Variants in DCHS2 observed in about 807,000 individuals in gnomAD.
DCHS2 encodes the protein dachsous cadherin-related 2.
A neutral mutation model predicts 182.4 loss-of-function variants in DCHS2; 142 were observed. That is an observed-to-expected ratio of 0.78 (90% CI 0.68 to 0.89). The LOEUF is 0.89. Ranked by LOEUF, DCHS2 falls within the 40% of genes least tolerant of loss-of-function variation. The pLI is 0.00. For missense variants in DCHS2, 4,319 were observed against 4,198.6 expected (o/e 1.03, Z -0.79); for synonymous variants, 1,740 against 1,663.3 (o/e 1.05, Z -1.12).
At chr4:154,418,478 C>T (rs1414775578) in intron 1 of DCHS2, among the ~76,000 whole-genome samples, 1 of 152,194 alleles carries the variant, frequency 6.6e-6, no homozygotes, top group Non-Finnish European at 1.5e-5. Flanking sequence ...GATTATCACA[C>T]CACTGCAGCT....
chr4:154,297,446 G>A (rs984397950), intron 13 of DCHS2, among the ~76,000 whole-genome samples: 3 of 152,086 alleles, frequency 2.0e-5, no homozygotes, highest in Non-Finnish European at 4.4e-5. Flanking sequence ...TTTAATAAAG[G>A]AATTTTCAGA....
chr4:154,258,763 C>G (rs982805622), intron 15 of DCHS2, among the ~76,000 whole-genome samples: 1 of 152,108 alleles, frequency 6.6e-6, no homozygotes, highest in African/African-American at 2.4e-5. Context: ...ATGTAAACGC[C>G]TTACCCCACC....
chr4:154,485,207 T>C (rs570460145), intron 1 of DCHS2, among the ~76,000 whole-genome samples: 1 of 152,020 alleles, frequency 6.6e-6, no homozygotes, highest in East Asian at 1.9e-4. Context: ...CCACACTGAG[T>C]GTGGGGTGGC....
At chr4:154,352,760 G>A (rs560441305) in intron 3 of DCHS2, among the ~76,000 whole-genome samples, 4 of 152,260 alleles carry the variant, frequency 2.6e-5, no homozygotes, top group Middle Eastern at 3.4e-3. Flanking sequence ...GAGAAACCTA[G>A]AGAATAAGCA....
At chr4:154,283,702 T>C (rs1303022605) in intron 13 of DCHS2, among the ~76,000 whole-genome samples, 1 of 152,196 alleles carries the variant, frequency 6.6e-6, no homozygotes, top group East Asian at 1.9e-4. Context: ...ATTTTGTGAT[T>C]TACAGAAGAC....
intron 1 of DCHS2, among the ~76,000 whole-genome samples, chr4:154,466,961 A>T (rs1375700434): frequency 1.3e-5 from 2 of 152,156 alleles, no homozygotes; most frequent in Non-Finnish European, 2.9e-5. Flanking sequence ...TCTTTCCCAT[A>T]TTCACAGGTA....
intron 13 of DCHS2, among the ~76,000 whole-genome samples, chr4:154,297,592 A>T (rs1376773299): frequency 6.6e-6 from 1 of 152,212 alleles, no homozygotes; most frequent in Non-Finnish European, 1.5e-5. Flanking sequence ...CCACTTATTC[A>T]TTAGCTTTTC....
At chr4:154,237,295 A>T (rs975299276) in intron 19 of DCHS2, 136 bp from the exon 20 acceptor site, 15 of 1,158,146 alleles carry the variant, frequency 1.3e-5, no homozygotes, top group South Asian at 1.8e-5. Context: ...ATGAACAATG[A>T]CTCCAAATAG....
In DCHS2 at chr4:154,259,739, C is replaced by A. The variant is rs575018629; in HGVS notation, c.6595G>T (p.Glu2199Ter). Reference sequence around the variant, plus strand: ...ACTTCAAAATCAAGAAACTTGGGTTCTTTCACAGTGAGTTGTCCTATTTTT... The same window carrying A: ...ACTTCAAAATCAAGAAACTTGGGTTATTTCACAGTGAGTTGTCCTATTTTT... ...CSKSGQLTVK[E>*]PKFLDFEVRN... is the part of the protein sequence containing the mutation. Residue 2199 changes from glutamate (E) to a stop codon, truncating the protein, a stop_gained, in exon 15 of 20, where the codon GAA (glutamate) becomes TAA (stop). Coordinates refer to ENST00000357232, the MANE Select transcript of DCHS2 (RefSeq NM_001358235.2). LOFTEE classifies it high-confidence loss of function. 37 of 1,613,678 alleles carry A rather than the reference C, an allele frequency of 2.3e-5. 1 individual carries two copies. In the South Asian group the frequency reaches 4.0e-4, roughly 17 times the overall value.
rs567129224 is a variant in DCHS2 at position 154,333,083 on chromosome 4, C to G, written c.3125G>C (p.Gly1042Ala). The G allele has an allele frequency of 1.2e-5, 19 of 1,614,060 alleles. No individual in the cohort carries two copies. The African/African-American group carries it at 2.0e-4, about 17-fold the overall frequency. ...CGTGAGCTCCCGCTGCTCGCCCGCG[C>G]CCAGGCTGCCGTTGAGGAACAGCAC... is the stretch of plus-strand genomic sequence containing the variant. Reference protein sequence around the residue: ...LGVLFLNGSLGAGEQRELTLT... With the variant: ...LGVLFLNGSLAAGEQRELTLT... The change falls in exon 5 of 20, where the codon GGC becomes GCC. Residue 1042 changes from glycine to alanine, a missense_variant. Physicochemically the swap from Gly to Ala is moderately conservative, Grantham distance 60. Transcript: ENST00000357232.
Position 154,328,153 on chromosome 4 carries a change from C to T in DCHS2, c.3958G>A (p.Val1320Met). The T allele has an allele frequency of 6.2e-7, 1 of 1,609,294 alleles. No individual in the cohort carries two copies. The highest frequency in any genetic ancestry group is 1.1e-5 in the South Asian group (1 of 89,804). ...GQPVNMLVTT[V>M]FAKDPDEGNN... is the part of the protein sequence containing the mutation. ...CCTTCATCAGGATCCTTTGCAAACA[C>T]AGTTGTAACCAACATATTTACTGGT... is the stretch of plus-strand genomic sequence containing the variant. Residue 1320 changes from valine (V) to methionine (M), a missense_variant, in exon 7 of 20, where the codon GTG becomes ATG. Val to Met is a conservative substitution (Grantham distance 21). Coordinates refer to ENST00000357232, the MANE Select transcript of DCHS2 (RefSeq NM_001358235.2).
At chr4:154,461,131 C>T (rs919699386) in intron 1 of DCHS2, among the ~76,000 whole-genome samples, 1 of 152,186 alleles carries the variant, frequency 6.6e-6, no homozygotes, top group African/African-American at 2.4e-5. Context: ...TCAGGCACAG[C>T]CCTTTCCAAT....
chr4:154,442,233 AC>A (rs1416794130), intron 1 of DCHS2, among the ~76,000 whole-genome samples: 1 of 152,092 alleles, frequency 6.6e-6, no homozygotes, highest in African/African-American at 2.4e-5. Context: ...CAAGGAGGCT[AC>A]AATCTTCTGA....
At chr4:154,434,153 G>T (rs1346557057) in intron 1 of DCHS2, among the ~76,000 whole-genome samples, 2 of 152,210 alleles carry the variant, frequency 1.3e-5, no homozygotes, top group Non-Finnish European at 2.9e-5. Flanking sequence ...CAAATAATGG[G>T]CTGGGCATGA....
intron 3 of DCHS2, among the ~76,000 whole-genome samples, chr4:154,345,081 G>A (rs6842423): frequency 0.026 from 3,937 of 152,284 alleles, 165 homozygotes; most frequent in African/African-American, 0.089. Context: ...TGCCACTGGT[G>A]GAACAGATCT....
chr4:154,464,713 C>T (rs1057321288), intron 1 of DCHS2, among the ~76,000 whole-genome samples: 5 of 152,130 alleles, frequency 3.3e-5, no homozygotes, highest in African/African-American at 1.2e-4. Context: ...GCAGGGAGAA[C>T]TAGAGACTGA....
Position 154,424,129 on chromosome 4 carries a change from C to G in DCHS2, c.2053-46685G>C, listed in dbSNP as rs190613133. On this transcript the variant is annotated intron_variant, in intron 1 of 19. Transcript: ENST00000357232. ...ACATAACAAGGTTTCATTGCTGCAT[C>G]CTTGGTCTGACTTATGTGCACAAAC... Among the ~76,000 whole-genome samples the G allele has an allele frequency of 2.0e-5, 3 of 152,182 alleles. No individual in the cohort carries two copies. In the East Asian group the frequency reaches 5.8e-4, roughly 29 times the overall value.
At chr4:154,299,396 A>G (rs143328697) in intron 12 of DCHS2, among the ~76,000 whole-genome samples, 1 of 152,364 alleles carries the variant, frequency 6.6e-6, no homozygotes, top group East Asian at 1.9e-4. Context: ...AAAACTTAAA[A>G]TTGAACACAG....
At chr4:154,294,272 C>G (rs1182267531) in intron 13 of DCHS2, among the ~76,000 whole-genome samples, 1 of 152,048 alleles carries the variant, frequency 6.6e-6, no homozygotes, top group Non-Finnish European at 1.5e-5. Context: ...TATAATATAT[C>G]AAATATATAG....
Sources: gnomAD v4.1 joint callset for allele counts (sites outside exome capture counted in the v4.1 genomes callset) on GRCh38, gnomAD v4.1.1 for gene constraint, MANE v1.5 for transcripts, NCBI Gene and HGNC (gene_info 2026-07-23, HGNC 2026-07-21) for gene names.